HEATR6: variants seen among roughly 807,000 people sequenced by gnomAD.
HEATR6 encodes HEAT repeat containing 6.
Under a neutral mutation model 132.8 loss-of-function variants are expected in HEATR6, and 106 were observed. The observed-to-expected ratio is 0.80, with a 90% CI of 0.68 to 0.94. The LOEUF (loss-of-function observed/expected upper bound fraction) is 0.94, where lower values mean the gene tolerates loss of function less well. HEATR6 is among the 40% of genes least tolerant of loss of function. HEATR6 has a pLI of 0.00. For missense variants in HEATR6, 1,339 were observed against 1,425.1 expected (o/e 0.94, Z 0.97); for synonymous variants, 529 against 537.8 (o/e 0.98, Z 0.23).
At chr17:60,050,072 T>A (rs146332178) in intron 15 of HEATR6, among the ~76,000 whole-genome samples, 82 of 152,270 alleles carry the variant, frequency 5.4e-4, no homozygotes, top group African/African-American at 1.9e-3. Context: ...CCAAAATTCC[T>A]ATGTTGAAAT....
At chr17:60,048,982 TAATATATATATATATATATATATA>T (rs1420465312) in intron 16 of HEATR6, among the ~76,000 whole-genome samples, 1 of 53,308 alleles carries the variant, frequency 1.9e-5, no homozygotes, top group Admixed American at 2.3e-4. Context: ...CATATATATA[TAATATATATATATATATATATATA>T]TATATATATA....
At chr17:60,066,473 C>T in intron 8 of HEATR6, 87 bp from the exon 9 acceptor site, 1 of 924,976 alleles carries the variant, frequency 1.1e-6, no homozygotes. Context: ...TTTATTTCCA[C>T]CAATTCAAAT....
At chr17:60,053,583 G>A (rs894910507) in intron 14 of HEATR6, among the ~76,000 whole-genome samples, 18 of 152,192 alleles carry the variant, frequency 1.2e-4, no homozygotes, top group Admixed American at 7.9e-4. Flanking sequence ...GGTTGTGACC[G>A]AAATGCTGAT....
rs201759921 is a variant in HEATR6, at chr17:60,044,087, C to T, written c.3022G>A (p.Val1008Met). The change falls in exon 20 of 20, where the codon GTG becomes ATG. Residue 1008 changes from valine (V) to methionine (M), a missense_variant. Val to Met is a conservative substitution (Grantham distance 21, BLOSUM62 1). Coordinates refer to ENST00000184956, the MANE Select transcript of HEATR6 (RefSeq NM_022070.5). The stretch of plus-strand genomic sequence containing the variant: ...ACTTTGAAGTTCTTGCATGATGTCA[C>T]GACCGATGTCAGGGCATTGTAGGCC... ...SQAYNALTSV[V>M]TSCKNFKVRI... 5.9e-5 allele frequency: 96 copies of T among 1,613,696 alleles called. No individual in the cohort carries two copies. In the East Asian group the frequency reaches 1.5e-3, roughly 25 times the overall value.
In HEATR6 at chr17:60,044,065, T is replaced by G. The variant is rs1199236789; in HGVS notation, c.3044A>C (p.Lys1015Thr). ...TSVVTSCKNF[K>T]VRIRSAAALS... ...GGCAGCTGCAGATCTGATGCGCACT[T>G]TGAAGTTCTTGCATGATGTCACGAC... The change falls in exon 20 of 20, where the codon AAA becomes ACA. Residue 1015 changes from lysine to threonine, a missense_variant. Physicochemically the swap from Lys to Thr is moderately conservative, Grantham distance 78. Transcript: ENST00000184956. 1 of 1,614,168 alleles carries G rather than the reference T, an allele frequency of 6.2e-7. No homozygotes were observed. Among genetic ancestry groups the G allele is most frequent in the Non-Finnish European group, 8.5e-7 (1 of 1,180,044 alleles).
intron 9 of HEATR6, 44 bp from the exon 10 acceptor site, chr17:60,060,140 A>T (rs1323028175): frequency 4.6e-6 from 6 of 1,312,836 alleles, no homozygotes; most frequent in Non-Finnish European, 6.6e-6. Context: ...GAAAATTAGG[A>T]GTCAGATTCC....
rs1477636864 is a variant in HEATR6, at chr17:60,043,766, C to T, written c.3343G>A (p.Glu1115Lys). The T allele has an allele frequency of 3.7e-6, 6 of 1,614,220 alleles. No homozygotes were observed. In the Admixed American group the frequency reaches 1.0e-4, roughly 27 times the overall value. Reference sequence around the variant, plus strand: ...TGGGGTGCTCCAGTGTCATCTCCCTCTGCTCCTGATTTTAAAAACTGTAGA... The same window carrying T: ...TGGGGTGCTCCAGTGTCATCTCCCTTTGCTCCTGATTTTAAAAACTGTAGA... ...YILQFLKSGA[E>K]GDDTGAPHSP... Residue 1115 changes from glutamate to lysine, a missense_variant, in exon 20 of 20, where the codon GAG becomes AAG. Coordinates refer to ENST00000184956, the MANE Select transcript of HEATR6 (RefSeq NM_022070.5).
rs1468198600 is a variant in HEATR6 at position 60,055,577 on chromosome 17, A to G, written c.2227T>C (p.Leu743=). 6.2e-7 allele frequency: 1 copy of G among 1,612,666 alleles called. No individual in the cohort carries two copies. The highest frequency in any genetic ancestry group is 1.1e-5 in the South Asian group (1 of 90,856). The change falls in exon 14 of 20, where the codon TTA becomes CTA. Residue 743 remains leucine (L), a synonymous_variant. Transcript: ENST00000184956. ...GAGTCTGGTTTATACTGCTGTATTA[A>G]GCCTGTGCCCAGTTCTTCCAGAAGC... is the stretch of plus-strand genomic sequence containing the variant. ...AKLLEELGTG[L]IQQYKPDSTA... is the part of the protein sequence containing the mutation.
intron 14 of HEATR6, 117 bp from the exon 15 acceptor site, chr17:60,051,094 TGTAA>T: frequency 9.0e-7 from 1 of 1,112,338 alleles, no homozygotes; most frequent in Non-Finnish European, 1.3e-6. Context: ...AGCAGCTTTC[TGTAA>T]GTGTTTTCAT....
At position 60,048,983 on chromosome 17, in the gene HEATR6, A is replaced by ATAT. The variant is rs1491095262; in HGVS notation, c.2547+596_2548-595insATA. ...TTAAAAATAAATAACATATATATAT[A>ATAT]ATATATATATATATATATATATATA... On this transcript the variant is annotated intron_variant, in intron 16 of 19. Coordinates refer to ENST00000184956, the MANE Select transcript of HEATR6 (RefSeq NM_022070.5). Among the ~76,000 whole-genome samples the ATAT allele has an allele frequency of 3.8e-3, 261 of 69,506 alleles. 19 individuals carry two copies. The highest frequency in any genetic ancestry group is 0.02 in the African/African-American group (214 of 10,972). The allele number at this position is 69,506 out of a possible 152,430, so 45.6% of individuals were successfully genotyped here.
In HEATR6 at chr17:60,044,031, G is replaced by A; in HGVS notation, c.3078C>T (p.Val1026=). ...ACCCGTACTGCTCTCTCTTCCCCGG[G>A]ACGGAAAGGGCAGCTGCAGATCTGA... is the stretch of plus-strand genomic sequence containing the variant. ...VRIRSAAALS[V]PGKREQYGSV... is the part of the protein sequence containing the mutation. The change falls in exon 20 of 20, where the codon GTC becomes GTT. Residue 1026 remains valine, a synonymous_variant. Coordinates refer to ENST00000184956, the MANE Select transcript of HEATR6 (RefSeq NM_022070.5). 2 of 1,614,162 alleles carry A rather than the reference G, an allele frequency of 1.2e-6. No individual in the cohort carries two copies. The highest frequency in any genetic ancestry group is 1.3e-5 in the African/African-American group (1 of 75,058).
intron 17 of HEATR6, 26 bp downstream of exon 17, chr17:60,048,238 T>C: frequency 6.2e-7 from 1 of 1,603,220 alleles, no homozygotes; most frequent in East Asian, 2.2e-5. Flanking sequence ...AGAAGTCAGC[T>C]GGGGAAAGCA....
Position 60,042,188 on chromosome 17 carries a change from A to C in HEATR6, c.*1375T>G, listed in dbSNP as rs1228723126. Among the ~76,000 whole-genome samples, 2 of 152,244 alleles carry C rather than the reference A, an allele frequency of 1.3e-5. No individual in the cohort carries two copies. Among genetic ancestry groups the C allele is most frequent in the Non-Finnish European group, 2.9e-5 (2 of 68,042 alleles). On this transcript the variant is annotated 3_prime_UTR_variant, in exon 20 of 20. Transcript: ENST00000184956. ...TCTCCTAAAGAGCATCAGGAAATGT[A>C]GGTAGAAGTCAATGTTGTAGCCTAG...
chr17:60,057,761 A>C (rs947021168), intron 11 of HEATR6, among the ~76,000 whole-genome samples: 4 of 152,228 alleles, frequency 2.6e-5, no homozygotes, highest in African/African-American at 9.6e-5. Context: ...ACTAAATGCA[A>C]TGCATGTACC....
chr17:60,051,179 C>T lies in HEATR6; in HGVS notation c.2290-202G>A, dbSNP rs75303620. ...CGTTCAACTCCTGTTGATTAGGAGA[C>T]TGCGGTCTGATAAAGTTACGCAGCA... On this transcript the variant is annotated intron_variant, in intron 14 of 19. Transcript: ENST00000184956. Among the ~76,000 whole-genome samples the T allele has an allele frequency of 2.4e-4, 36 of 152,328 alleles. 2 individuals carry two copies. The East Asian group carries it at 6.9e-3, about 29-fold the overall frequency.
At chr17:60,071,789 G>A (rs905352168) in intron 5 of HEATR6, among the ~76,000 whole-genome samples, 1 of 152,298 alleles carries the variant, frequency 6.6e-6, no homozygotes, top group Middle Eastern at 3.4e-3. Flanking sequence ...CAGGAGACTA[G>A]AAGGAACTTT....
intron 14 of HEATR6, among the ~76,000 whole-genome samples, chr17:60,053,231 G>A (rs1203810848): frequency 6.6e-6 from 1 of 152,152 alleles, no homozygotes; most frequent in Non-Finnish European, 1.5e-5. Flanking sequence ...CTCGCCATGT[G>A]ACACACCTAC....
In HEATR6 at chr17:60,070,706, C is replaced by T. The variant is rs771012464; in HGVS notation, c.801G>A (p.Lys267=). 5 of 1,559,222 alleles carry T rather than the reference C, an allele frequency of 3.2e-6. No homozygotes were observed. The East Asian group carries it at 9.0e-5, about 28-fold the overall frequency. The change falls in exon 6 of 20, where the codon AAG becomes AAA. Residue 267 remains lysine, a splice_region_variant and synonymous_variant. Transcript: ENST00000184956. The stretch of plus-strand genomic sequence containing the variant: ...ATGATCATATGAAGACTTGCCTTAC[C>T]TTTAGCACAGCTAAAAGTGCTCCAA... The part of the protein sequence containing the change: ...DELGALLAVL[K]KFMFHGLPGL...
intron 2 of HEATR6, chr17:60,074,170 A>T: frequency 8.9e-7 from 1 of 1,125,936 alleles, no homozygotes; most frequent in Non-Finnish European, 1.1e-6. Flanking sequence ...CTGTGAATAC[A>T]CAGATATGAG....
Sources: allele counts gnomAD v4.1 joint callset (sites outside exome capture counted in the v4.1 genomes callset), GRCh38; gene constraint gnomAD v4.1.1; transcripts MANE v1.5; gene names NCBI Gene and HGNC (gene_info 2026-07-23, HGNC 2026-07-21).